KBTBD12: variants seen among roughly 807,000 people sequenced by gnomAD.
KBTBD12 encodes kelch repeat and BTB domain containing 12, also known as kelch repeat and BTB domain-containing protein 12.
Under a neutral mutation model 58.7 loss-of-function variants are expected in KBTBD12, and 53 were observed. The observed-to-expected ratio is 0.90, with a 90% CI of 0.72 to 1.14. The LOEUF (loss-of-function observed/expected upper bound fraction) is 1.14, where lower values mean the gene tolerates loss of function less well. Ranked by LOEUF, KBTBD12 falls within the 50% of genes most tolerant of loss-of-function variation. The pLI is 0.00. For missense variants in KBTBD12, 704 were observed against 751.3 expected, an observed-to-expected ratio of 0.94 and a Z score of 0.74; for synonymous variants, 236 against 259.8, an observed-to-expected ratio of 0.91 and a Z score of 0.88.
Position 127,970,902 on chromosome 3 carries a change from T to C in KBTBD12, c.1690+7516T>C, listed in dbSNP as rs573480578. Among the ~76,000 whole-genome samples, 48 of 107,972 alleles carry C rather than the reference T, an allele frequency of 4.4e-4. No homozygotes were observed. In the South Asian group the frequency reaches 5.7e-3, roughly 13 times the overall value. 70.8% of individuals were successfully genotyped at this position (107,972 alleles called of 152,430 possible). On this transcript the variant is annotated intron_variant, in intron 5 of 5. Coordinates refer to ENST00000405109, the MANE Select transcript of KBTBD12 (RefSeq NM_207335.4). ...ACTCTGTGAATATACTAAAAAACCA[T>C]TTTTTTATACATTTTCAAGGGGTGA...
At chr3:127,918,109 G>T (rs1939301255) in intron 1 of KBTBD12, among the ~76,000 whole-genome samples, 2 of 152,156 alleles carry the variant, frequency 1.3e-5, no homozygotes, top group South Asian at 4.1e-4. Flanking sequence ...AGGGGAGGCT[G>T]AGGTCCCAGC....
At chr3:127,964,376 G>A (rs1940518222) in intron 5 of KBTBD12, among the ~76,000 whole-genome samples, 1 of 151,928 alleles carries the variant, frequency 6.6e-6, no homozygotes, top group Non-Finnish European at 1.5e-5. Flanking sequence ...GCTCACACCT[G>A]TAATCCTAGC....
chr3:127,919,773 A>ATC (rs1332740475), intron 1 of KBTBD12, among the ~76,000 whole-genome samples: 1 of 151,076 alleles, frequency 6.6e-6, no homozygotes, highest in Non-Finnish European at 1.5e-5. Context: ...TGTATCTATT[A>ATC]TCTCTCTCTC....
chr3:127,936,084 G>A (rs530256785), intron 4 of KBTBD12, among the ~76,000 whole-genome samples: 4 of 152,266 alleles, frequency 2.6e-5, no homozygotes, highest in Admixed American at 1.3e-4. Flanking sequence ...CCTGAGATGA[G>A]GCTGGGCATG....
At position 127,963,348 on chromosome 3, in the gene KBTBD12, A is replaced by C; in HGVS notation, c.1652A>C (p.Asp551Ala). 1 of 1,612,262 alleles carries C rather than the reference A, an allele frequency of 6.2e-7. No individual in the cohort carries two copies. ...RTNSTNAGAV[D>A]GKLYVCGGFH... is the part of the protein sequence containing the mutation. ...AATTCCACCAATGCAGGGGCAGTGG[A>C]TGGGAAACTCTATGTCTGCGGGGGA... The change falls in exon 5 of 6, where the codon GAT becomes GCT. Residue 551 changes from aspartate to alanine, a missense_variant. Transcript: ENST00000405109.
In KBTBD12 at chr3:127,926,707, C is replaced by T. The variant is rs116640946; in HGVS notation, c.1071-1057C>T. Among the ~76,000 whole-genome samples the T allele has an allele frequency of 4.2e-3, 639 of 152,196 alleles. 3 individuals carry two copies. Among genetic ancestry groups the T allele is most frequent in the South Asian group, 0.016 (79 of 4,816 alleles). On this transcript the variant is annotated intron_variant, in intron 2 of 5. Transcript: ENST00000405109. ...GTGAGGTGTTAAATGCAAAATAAGTCGTCTATACTTAAAAATTGTACTCTG... is the reference window on the plus strand; with the variant it reads ...GTGAGGTGTTAAATGCAAAATAAGTTGTCTATACTTAAAAATTGTACTCTG...
At position 127,947,038 on chromosome 3, in the gene KBTBD12, GT is replaced by G. The variant is rs376114346; in HGVS notation, c.1493-16144del. On this transcript the variant is annotated intron_variant, in intron 4 of 5. Transcript: ENST00000405109. ...TTTTCTCATCCATTTTTGTCTATCT[GT>G]TTTTTTCTGTTTTCTTTATCTTATT... Among the ~76,000 whole-genome samples the G allele has an allele frequency of 3.6e-4, 54 of 151,618 alleles. 2 individuals carry two copies. In the South Asian group the frequency reaches 0.011, roughly 31 times the overall value.
At chr3:127,952,199 ATTCT>A (rs763935936) in intron 4 of KBTBD12, among the ~76,000 whole-genome samples, 10 of 152,218 alleles carry the variant, frequency 6.6e-5, no homozygotes, top group Non-Finnish European at 1.2e-4. Flanking sequence ...ACAAAAGTAA[ATTCT>A]TTATTTTTAT....
At chr3:127,928,254 T>G (rs1005295500) in intron 3 of KBTBD12, 1 of 543,120 alleles carries the variant, frequency 1.8e-6, no homozygotes, top group Non-Finnish European at 3.3e-6. Flanking sequence ...GATTCAGTTT[T>G]CATGCTGTGC....
At chr3:127,940,843 G>T (rs922472070) in intron 4 of KBTBD12, among the ~76,000 whole-genome samples, 3 of 152,020 alleles carry the variant, frequency 2.0e-5, no homozygotes, top group Non-Finnish European at 4.4e-5. Flanking sequence ...ATACAGTACA[G>T]ATTACCAATA....
intron 5 of KBTBD12, among the ~76,000 whole-genome samples, chr3:127,983,569 A>G (rs1188558175): frequency 2.0e-5 from 3 of 152,184 alleles, no homozygotes; most frequent in Admixed American, 6.5e-5. Flanking sequence ...CCTGACTAAC[A>G]TGATGAAACC....
intron 5 of KBTBD12, among the ~76,000 whole-genome samples, chr3:127,980,065 G>C (rs1940847761): frequency 6.6e-6 from 1 of 152,076 alleles, no homozygotes; most frequent in African/African-American, 2.4e-5. Flanking sequence ...GGAGAAATTT[G>C]AACTGCACCA....
rs148688966 is a variant in KBTBD12, at chr3:127,939,520, CATTCCA to C, written c.1492+9238_1492+9243del. Among the ~76,000 whole-genome samples the C allele has an allele frequency of 5.3e-3, 812 of 152,164 alleles. 6 individuals are homozygous for C. The highest frequency in any genetic ancestry group is 0.018 in the African/African-American group (731 of 41,516). ...TGGAACTATAAGGCGAAGATTCCAA[CATTCCA>C]GTTATAGTGATAAAATACTGATACT... is the stretch of plus-strand genomic sequence containing the variant. On this transcript the variant is annotated intron_variant, in intron 4 of 5. Transcript: ENST00000405109.
intron 4 of KBTBD12, among the ~76,000 whole-genome samples, chr3:127,943,301 C>T (rs1939998195): frequency 6.6e-6 from 1 of 152,150 alleles, no homozygotes; most frequent in South Asian, 2.1e-4. Flanking sequence ...ATTTCCATTC[C>T]CATCAACAGT....
intron 5 of KBTBD12, among the ~76,000 whole-genome samples, chr3:127,971,640 G>A (rs1940683956): frequency 6.6e-6 from 1 of 152,164 alleles, no homozygotes; most frequent in African/African-American, 2.4e-5. Flanking sequence ...GGATGGCAGG[G>A]GAGCTCAGGG....
At position 127,984,353 on chromosome 3, in the gene KBTBD12, G is replaced by C; in HGVS notation, c.*75G>C. 1 of 1,309,660 alleles carries C rather than the reference G, an allele frequency of 7.6e-7. No individual in the cohort carries two copies. Among genetic ancestry groups the C allele is most frequent in the Non-Finnish European group, 1.1e-6 (1 of 930,714 alleles). The allele number at this position is 1,309,660 out of a possible 1,614,324, so 81.1% of individuals were successfully genotyped here. A position where few individuals can be genotyped will look rare whatever the true frequency, so the allele number is the denominator to read the frequency against. On this transcript the variant is annotated 3_prime_UTR_variant, in exon 6 of 6. Coordinates refer to ENST00000405109, the MANE Select transcript of KBTBD12 (RefSeq NM_207335.4). ...AACGGAGAGGGCCCACAGCATCTCT[G>C]TCATGCCAGTCATGTGCACTGCATG...
rs1274716590 is a variant in KBTBD12 at position 127,987,476 on chromosome 3, T to C, written c.*3198T>C. The C allele has an allele frequency of 6.6e-6, 1 of 152,242 alleles. No homozygotes were observed. The highest frequency in any genetic ancestry group is 1.5e-5 in the Non-Finnish European group (1 of 68,050). The allele number at this position is 152,242 out of a possible 1,614,324, so 9.4% of individuals were successfully genotyped here. A position where few individuals can be genotyped will look rare whatever the true frequency, so the allele number is the denominator to read the frequency against. ...TACTATCTGCTAATTCTTATCTTTGTGACAGGATTGTTTGACACTGAGCAA... is the reference window on the plus strand; with the variant it reads ...TACTATCTGCTAATTCTTATCTTTGCGACAGGATTGTTTGACACTGAGCAA... On this transcript the variant is annotated 3_prime_UTR_variant, in exon 6 of 6. Transcript: ENST00000405109.
chr3:127,972,098 T>C (rs1346602754), intron 5 of KBTBD12, among the ~76,000 whole-genome samples: 4 of 152,358 alleles, frequency 2.6e-5, no homozygotes, highest in African/African-American at 7.2e-5. Flanking sequence ...AGCTGACAGT[T>C]ACCTGGTTAC....
chr3:127,935,713 T>G (rs1310442235), intron 4 of KBTBD12, among the ~76,000 whole-genome samples: 2 of 152,200 alleles, frequency 1.3e-5, no homozygotes, highest in Admixed American at 6.5e-5. Context: ...AAATGGCAGA[T>G]GTATAGCCAG....
Sources: allele counts gnomAD v4.1 joint callset (sites outside exome capture counted in the v4.1 genomes callset), GRCh38; gene constraint gnomAD v4.1.1; transcripts MANE v1.5; gene names NCBI Gene and HGNC (gene_info 2026-07-23, HGNC 2026-07-21).